Variants in ELMO1 observed in about 807,000 individuals in gnomAD.
ELMO1 encodes engulfment and cell motility 1.
ELMO1 carries 26 observed loss-of-function variants against 98.9 expected under a neutral mutation model. The ratio of observed to expected loss-of-function variants is 0.26; its 90% CI spans 0.19 to 0.36. The LOEUF (loss-of-function observed/expected upper bound fraction) is 0.36. Among genes scored for constraint, ELMO1 ranks in the 10% least tolerant of loss-of-function variants. The probability of loss-of-function intolerance (pLI) is 1.00; values close to 1 mark genes in which losing one functional copy is unlikely to be tolerated. For synonymous variants in ELMO1, 346 were observed against 346.0 expected (o/e 1.00, Z 0.00); for missense variants, 627 against 935.2 (o/e 0.67, Z 4.30).
At chr7:37,277,250 G>C (rs1319416904) in intron 4 of ELMO1, among the ~76,000 whole-genome samples, 1 of 152,242 alleles carries the variant, frequency 6.6e-6, no homozygotes, top group Non-Finnish European at 1.5e-5. Flanking sequence ...AGACCTGGGG[G>C]TGACCAGCAC....
chr7:36,973,669 C>A (rs1051456048), intron 16 of ELMO1, among the ~76,000 whole-genome samples: 1 of 152,244 alleles, frequency 6.6e-6, no homozygotes, highest in Admixed American at 6.5e-5. Flanking sequence ...TTCAGCCCAC[C>A]GCTGCAGTGT....
At chr7:36,903,686 G>A (rs1054171374) in intron 16 of ELMO1, among the ~76,000 whole-genome samples, 11 of 152,166 alleles carry the variant, frequency 7.2e-5, no homozygotes, top group Admixed American at 2.6e-4. Context: ...ACACTGGTCC[G>A]AATTAGGCAG....
chr7:36,975,267 C>T (rs1170349169), intron 16 of ELMO1, among the ~76,000 whole-genome samples: 2 of 151,964 alleles, frequency 1.3e-5, no homozygotes, highest in African/African-American at 2.4e-5. Context: ...GTCAGGAGTT[C>T]GAGGCCAGCC....
At chr7:37,101,372 A>G (rs1325926191) in intron 14 of ELMO1, among the ~76,000 whole-genome samples, 1 of 152,196 alleles carries the variant, frequency 6.6e-6, no homozygotes, top group Non-Finnish European at 1.5e-5. Flanking sequence ...CCACACTTTG[A>G]GACAAATCAT....
At chr7:37,015,046 G>T (rs1562897945) in intron 15 of ELMO1, among the ~76,000 whole-genome samples, 1 of 152,124 alleles carries the variant, frequency 6.6e-6, no homozygotes, top group Non-Finnish European at 1.5e-5. Flanking sequence ...GTGAATTTCA[G>T]ACTTCTTAAC....
At chr7:37,013,637 A>G in intron 15 of ELMO1, 1 of 562,040 alleles carries the variant, frequency 1.8e-6, no homozygotes, top group Non-Finnish European at 3.1e-6. Flanking sequence ...AGTCAGACCT[A>G]GCCTTAGACA....
rs143458993 is a variant in ELMO1, at chr7:37,336,089, T to C, written c.78+6524A>G. On this transcript the variant is annotated intron_variant, in intron 2 of 21. Transcript: ENST00000310758. ...TAAAAATACAAAGACTAGCTGGTCA[T>C]GGTGGTGCACACCTGTAATCTCAGC... is the stretch of plus-strand genomic sequence containing the variant. Among the ~76,000 whole-genome samples, 330 of 139,254 alleles carry C rather than the reference T, an allele frequency of 2.4e-3. 1 individual carries two copies. The highest frequency in any genetic ancestry group is 7.7e-3 in the Admixed American group (112 of 14,488). 91.4% of individuals were successfully genotyped at this position (139,254 alleles called of 152,430 possible). A position where few individuals can be genotyped will look rare whatever the true frequency, so the allele number is the denominator to read the frequency against.
chr7:36,859,094 TGA>T (rs1224264571), intron 21 of ELMO1, among the ~76,000 whole-genome samples: 1 of 151,984 alleles, frequency 6.6e-6, no homozygotes, highest in Non-Finnish European at 1.5e-5. Flanking sequence ...CTCATGATTG[TGA>T]GAGACAGAGA....
At chr7:37,364,784 A>G (rs1801833867) in intron 1 of ELMO1, among the ~76,000 whole-genome samples, 1 of 152,174 alleles carries the variant, frequency 6.6e-6, no homozygotes, top group Non-Finnish European at 1.5e-5. Context: ...CTTTTCTATT[A>G]CCATTGATAG....
In ELMO1 at chr7:37,328,287, G is replaced by A. The variant is rs189839857; in HGVS notation, c.79-12327C>T. On this transcript the variant is annotated intron_variant, in intron 2 of 21. Transcript: ENST00000310758. ...GGTCCCAGCTACTTGGGAGGCTGAA[G>A]TGAGAGGATCACTTGAACCCAGAAG... Among the ~76,000 whole-genome samples the A allele has an allele frequency of 1.1e-3, 162 of 148,412 alleles. 1 individual carries two copies. Among genetic ancestry groups the A allele is most frequent in the African/African-American group, 3.9e-3 (158 of 40,394 alleles).
chr7:37,076,130 T>C (rs2129229874), intron 15 of ELMO1, among the ~76,000 whole-genome samples: 1 of 152,346 alleles, frequency 6.6e-6, no homozygotes, highest in Middle Eastern at 3.4e-3. Context: ...TTATTCCATT[T>C]TGAAACCACT....
At chr7:37,244,292 G>T in intron 7 of ELMO1, 64 bp downstream of exon 7, 1 of 1,533,642 alleles carries the variant, frequency 6.5e-7, no homozygotes, top group Non-Finnish European at 8.9e-7. Flanking sequence ...AGATGACAGG[G>T]CTCAATTATG....
chr7:37,365,188 A>T (rs547960648), intron 1 of ELMO1, among the ~76,000 whole-genome samples: 2 of 152,236 alleles, frequency 1.3e-5, no homozygotes, highest in East Asian at 3.8e-4. Flanking sequence ...ATGTGGTCCT[A>T]AATTCTTGCA....
chr7:37,281,841 T>C (rs1797157159), intron 4 of ELMO1, among the ~76,000 whole-genome samples: 1 of 152,210 alleles, frequency 6.6e-6, no homozygotes, highest in Admixed American at 6.5e-5. Flanking sequence ...AGAACATTTC[T>C]GCAGGGAAAT....
At chr7:37,146,750 C>T (rs143346942) in intron 13 of ELMO1, among the ~76,000 whole-genome samples, 3 of 152,200 alleles carry the variant, frequency 2.0e-5, no homozygotes, top group African/African-American at 7.2e-5. Context: ...GTCTATCAAA[C>T]CTGACCTAAG....
chr7:37,242,673 T>C (rs1162558760), intron 7 of ELMO1, among the ~76,000 whole-genome samples: 3 of 152,332 alleles, frequency 2.0e-5, no homozygotes, highest in East Asian at 1.9e-4. Flanking sequence ...AAGTTGCTGT[T>C]TTTACCATTA....
chr7:37,277,790 A>G (rs1406668328), intron 4 of ELMO1, among the ~76,000 whole-genome samples: 2 of 152,032 alleles, frequency 1.3e-5, no homozygotes, highest in Non-Finnish European at 2.9e-5. Flanking sequence ...GTTACTGAGA[A>G]CGCACACCTT....
intron 15 of ELMO1, among the ~76,000 whole-genome samples, chr7:37,047,973 TG>T (rs1489634962): frequency 6.6e-6 from 1 of 152,234 alleles, no homozygotes; most frequent in East Asian, 1.9e-4. Flanking sequence ...TTTACAATCA[TG>T]GTTTATCTGA....
chr7:37,100,332 C>A (rs190406184), intron 14 of ELMO1, among the ~76,000 whole-genome samples: 30 of 152,336 alleles, frequency 2.0e-4, no homozygotes, highest in African/African-American at 7.0e-4. Flanking sequence ...AGTGTCCCCA[C>A]AGACTTTACT....
Sources: gnomAD v4.1 joint callset for allele counts (sites outside exome capture counted in the v4.1 genomes callset) on GRCh38, gnomAD v4.1.1 for gene constraint, MANE v1.5 for transcripts, NCBI Gene and HGNC (gene_info 2026-07-23, HGNC 2026-07-21) for gene names.